The following TBC1D14 variants were observed in gnomAD, a reference collection of about 807,000 sequenced individuals.
TBC1D14 encodes the protein TBC1 domain family, member 14.
Under a neutral mutation model 79.0 loss-of-function variants are expected in TBC1D14, and 26 were observed. The ratio of observed to expected loss-of-function variants is 0.33; its 90% confidence interval spans 0.24 to 0.46. The LOEUF is 0.46. Ranked by LOEUF, TBC1D14 falls within the 20% of genes least tolerant of loss-of-function variation. The probability of loss-of-function intolerance (pLI) is 1.00; values close to 1 mark genes in which losing one functional copy is unlikely to be tolerated. For synonymous variants in TBC1D14, 394 were observed against 349.9 expected (o/e 1.13, Z -1.40); for missense variants, 769 against 887.6 (o/e 0.87, Z 1.70).
At chr4:6,941,463 G>A (rs1339718268) in intron 2 of TBC1D14, among the ~76,000 whole-genome samples, 2 of 152,190 alleles carry the variant, frequency 1.3e-5, no homozygotes, top group South Asian at 4.1e-4. Flanking sequence ...GGGATTCCTG[G>A]CATGAGCCAC....
intron 2 of TBC1D14, among the ~76,000 whole-genome samples, chr4:6,940,984 G>A (rs966868871): frequency 5.3e-5 from 8 of 152,116 alleles, no homozygotes; most frequent in Non-Finnish European, 1.0e-4. Context: ...AGGGAAAATG[G>A]AGAAAAAGGA....
At chr4:6,959,110 C>T (rs1241303728) in intron 2 of TBC1D14, among the ~76,000 whole-genome samples, 1 of 152,082 alleles carries the variant, frequency 6.6e-6, no homozygotes, top group Non-Finnish European at 1.5e-5. Context: ...TGGTCTGCAT[C>T]TCCTGACCTT....
chr4:6,997,297 G>A (rs2109175580), intron 5 of TBC1D14: 1 of 152,334 alleles, frequency 6.6e-6, no homozygotes, highest in African/African-American at 2.4e-5. Flanking sequence ...ACATCCAAAT[G>A]AGGCACTGCA....
chr4:6,922,058 G>T (rs1723909925), intron 1 of TBC1D14, among the ~76,000 whole-genome samples: 1 of 151,994 alleles, frequency 6.6e-6, no homozygotes, highest in Admixed American at 6.6e-5. Flanking sequence ...TTGTTTGTTT[G>T]TTTGTTTTTT....
At chr4:6,924,146 G>A in intron 2 of TBC1D14, 35 bp downstream of exon 2, 1 of 1,581,690 alleles carries the variant, frequency 6.3e-7, no homozygotes, top group African/African-American at 1.3e-5. Flanking sequence ...AGATCGTGGT[G>A]GTTGAGTCCA....
chr4:6,975,355 C>T (rs948479764), intron 3 of TBC1D14, among the ~76,000 whole-genome samples: 3 of 152,076 alleles, frequency 2.0e-5, no homozygotes, highest in Non-Finnish European at 4.4e-5. Flanking sequence ...ACTACAGGCA[C>T]GTGACACCAC....
chr4:7,027,425 A>G (rs1251723775), intron 13 of TBC1D14, among the ~76,000 whole-genome samples: 1 of 104,252 alleles, frequency 9.6e-6, no homozygotes, highest in Non-Finnish European at 1.9e-5. Context: ...ACACCTACAC[A>G]TACACAGTCA....
chr4:7,019,554 AG>A, intron 12 of TBC1D14, among the ~76,000 whole-genome samples: 1 of 151,694 alleles, frequency 6.6e-6, no homozygotes, highest in Non-Finnish European at 1.5e-5. Flanking sequence ...ACCTGCTCGA[AG>A]GGAGGGGCAG....
In TBC1D14 at chr4:7,006,661, G is replaced by T; in HGVS notation, c.1381G>T (p.Ala461Ser). 6.2e-7 allele frequency: 1 copy of T among 1,613,986 alleles called. No homozygotes were observed. The change falls in exon 9 of 14, where the codon GCC becomes TCC. Residue 461 changes from alanine to serine, a missense_variant. Physicochemically the swap from Ala to Ser is moderately conservative, Grantham distance 99. Coordinates refer to ENST00000409757, the MANE Select transcript of TBC1D14 (RefSeq NM_020773.3). ...DAGFSAADREASLELIKLDIS... is the reference protein window; with the variant it reads ...DAGFSAADRESSLELIKLDIS... ...TGGTTTTTCAGCAGCAGACAGAGAA[G>T]CCAGTCTGGAGCTTATTAAACTGGA...
At chr4:6,944,640 C>T (rs564674475) in intron 2 of TBC1D14, among the ~76,000 whole-genome samples, 1 of 152,338 alleles carries the variant, frequency 6.6e-6, no homozygotes, top group African/African-American at 2.4e-5. Context: ...GGTTGGAATT[C>T]ACCATGGCTC....
At chr4:7,007,902 C>G (rs1281108626) in intron 9 of TBC1D14, among the ~76,000 whole-genome samples, 1 of 152,214 alleles carries the variant, frequency 6.6e-6, no homozygotes, top group Non-Finnish European at 1.5e-5. Flanking sequence ...TTCACGTGCC[C>G]CCTCACCAGG....
At chr4:6,932,541 A>T (rs1711860303) in intron 2 of TBC1D14, among the ~76,000 whole-genome samples, 1 of 152,102 alleles carries the variant, frequency 6.6e-6, no homozygotes, top group Non-Finnish European at 1.5e-5. Context: ...GGTCAGTGGG[A>T]CCAGATTCTG....
chr4:6,921,253 G>A (rs1230268910), intron 1 of TBC1D14, among the ~76,000 whole-genome samples: 1 of 152,046 alleles, frequency 6.6e-6, no homozygotes, highest in Non-Finnish European at 1.5e-5. Context: ...CATTCAGGCT[G>A]GAGTGCAGTG....
At chr4:6,924,469 G>A (rs921267692) in intron 2 of TBC1D14, among the ~76,000 whole-genome samples, 10 of 152,168 alleles carry the variant, frequency 6.6e-5, no homozygotes, top group African/African-American at 2.4e-4. Flanking sequence ...GCACTGGTGA[G>A]GGTGACGCCA....
intron 3 of TBC1D14, among the ~76,000 whole-genome samples, chr4:6,977,060 CCCT>C (rs1332339545): frequency 4.2e-5 from 1 of 23,546 alleles, no homozygotes; most frequent in African/African-American, 9.3e-5. Context: ...CTCTCCCTCT[CCCT>C]CCTCTCCCTC....
intron 12 of TBC1D14, among the ~76,000 whole-genome samples, chr4:7,023,080 C>T (rs1721988825): frequency 6.6e-6 from 1 of 151,856 alleles, no homozygotes; most frequent in Non-Finnish European, 1.5e-5. Context: ...ATGGTGAAAC[C>T]CCATCTTTAC....
chr4:6,919,894 C>T (rs1399452504), intron 1 of TBC1D14, among the ~76,000 whole-genome samples: 1 of 152,234 alleles, frequency 6.6e-6, no homozygotes, highest in Non-Finnish European at 1.5e-5. Context: ...ACTGGGATTA[C>T]AGGCGTGAGC....
At chr4:6,991,042 C>G (rs1718435643) in intron 3 of TBC1D14, among the ~76,000 whole-genome samples, 1 of 152,232 alleles carries the variant, frequency 6.6e-6, no homozygotes, top group African/African-American at 2.4e-5. Flanking sequence ...AGAGCAGGAC[C>G]TGTCACCATT....
intron 3 of TBC1D14, among the ~76,000 whole-genome samples, chr4:6,978,416 G>C (rs1717025062): frequency 6.7e-6 from 1 of 150,360 alleles, no homozygotes; most frequent in African/African-American, 2.5e-5. Flanking sequence ...TTCTGCCTTG[G>C]GATCCTGTTG....
Sources: allele counts gnomAD v4.1 joint callset (sites outside exome capture counted in the v4.1 genomes callset), GRCh38; gene constraint gnomAD v4.1.1; transcripts MANE v1.5; gene names NCBI Gene and HGNC (gene_info 2026-07-23, HGNC 2026-07-21).